PCDH9: variants seen among roughly 807,000 people sequenced by gnomAD.
PCDH9 encodes protocadherin 9.
In PCDH9, 24 loss-of-function variants were observed where a neutral mutation model predicts 70.6. The observed-to-expected ratio is 0.34, with a 90% CI of 0.25 to 0.48. PCDH9 has a LOEUF of 0.48. PCDH9 is among the 20% of genes least tolerant of loss of function. PCDH9 has a pLI of 0.99. For synonymous variants in PCDH9, 562 were observed against 558.5 expected (o/e 1.01, Z -0.09); for missense variants, 1,281 against 1,503.6 (o/e 0.85, Z 2.45).
chr13:67,009,485 TAAGCCTC>T (rs2084413824), intron 2 of PCDH9, among the ~76,000 whole-genome samples: 1 of 152,096 alleles, frequency 6.6e-6, no homozygotes, highest in Non-Finnish European at 1.5e-5. Context: ...TACAAATATA[TAAGCCTC>T]AAGTCACAAA....
Position 66,404,326 on chromosome 13 carries a change from A to G in PCDH9, c.3341-99298T>C, listed in dbSNP as rs1957242738. Reference sequence around the variant, plus strand: ...GCAAAGAAATTATAGTCAGAGAGAAATGTGAGGGATGAGCAGAGGCCAACA... The same window carrying G: ...GCAAAGAAATTATAGTCAGAGAGAAGTGTGAGGGATGAGCAGAGGCCAACA... On this transcript the variant is annotated intron_variant, in intron 4 of 4. Coordinates refer to ENST00000377865, the MANE Select transcript of PCDH9 (RefSeq NM_203487.3). Among the ~76,000 whole-genome samples the G allele has an allele frequency of 4.6e-5, 7 of 152,192 alleles. 1 individual carries two copies. Among genetic ancestry groups the G allele is most frequent in the Admixed American group, 4.6e-4 (7 of 15,272 alleles).
At chr13:67,189,784 A>G (rs555462547) in intron 2 of PCDH9, among the ~76,000 whole-genome samples, 76 of 152,154 alleles carry the variant, frequency 5.0e-4, no homozygotes, top group African/African-American at 1.8e-3. Flanking sequence ...AATCTGCAAA[A>G]GATCATTCCA....
intron 2 of PCDH9, among the ~76,000 whole-genome samples, chr13:67,020,033 T>C (rs547069958): frequency 6.6e-6 from 1 of 152,344 alleles, no homozygotes; most frequent in Non-Finnish European, 1.5e-5. Flanking sequence ...ATTTTGTACA[T>C]TTCCTGCAAG....
chr13:66,763,910 T>C (rs1285990916), intron 3 of PCDH9, among the ~76,000 whole-genome samples: 1 of 151,992 alleles, frequency 6.6e-6, no homozygotes, highest in Non-Finnish European at 1.5e-5. Context: ...GCAATTCTTC[T>C]GTCTCAGCTT....
At chr13:66,798,705 A>T (rs2080282629) in intron 3 of PCDH9, among the ~76,000 whole-genome samples, 1 of 152,162 alleles carries the variant, frequency 6.6e-6, no homozygotes, top group Non-Finnish European at 1.5e-5. Flanking sequence ...AATATTTTCT[A>T]CCTGAAGAAG....
chr13:66,550,744 C>A (rs775592709), intron 4 of PCDH9, among the ~76,000 whole-genome samples: 7 of 152,084 alleles, frequency 4.6e-5, no homozygotes, highest in Admixed American at 1.3e-4. Flanking sequence ...CAGCTAAACC[C>A]CCTCTTACCT....
At chr13:66,577,085 T>G (rs1171574876) in intron 4 of PCDH9, among the ~76,000 whole-genome samples, 28 of 151,996 alleles carry the variant, frequency 1.8e-4, no homozygotes, top group Non-Finnish European at 5.9e-5. Flanking sequence ...AACCTGGTAT[T>G]ATACAATTTA....
intron 3 of PCDH9, among the ~76,000 whole-genome samples, chr13:66,762,592 G>A (rs757390501): frequency 2.6e-5 from 4 of 151,812 alleles, no homozygotes; most frequent in African/African-American, 7.3e-5. Flanking sequence ...ATGCAACAAC[G>A]AGGCACTGTA....
intron 4 of PCDH9, among the ~76,000 whole-genome samples, chr13:66,337,257 C>T (rs1239031379): frequency 6.6e-6 from 1 of 151,924 alleles, no homozygotes; most frequent in African/African-American, 2.4e-5. Flanking sequence ...TAAAACTTTC[C>T]ATTCAATTTA....
rs191983918 is a variant in PCDH9, at chr13:67,194,222, G to A, written c.3036+31183C>T. ...CTTGTTGATTACTGCACTCATATAA[G>A]CACTACAGAAATTATAAAACATTCA... On this transcript the variant is annotated intron_variant, in intron 2 of 4. Transcript: ENST00000377865. 3.5e-4 allele frequency among the ~76,000 whole-genome samples: 54 copies of A among 152,124 alleles called. 1 individual carries two copies. The highest frequency in any genetic ancestry group is 1.3e-3 in the African/African-American group (54 of 41,526).
intron 3 of PCDH9, among the ~76,000 whole-genome samples, chr13:66,646,475 C>T (rs112557627): frequency 3.7e-4 from 56 of 152,224 alleles, no homozygotes; most frequent in African/African-American, 1.1e-3. Flanking sequence ...GCTTAGCACA[C>T]GACAAGAAAT....
intron 2 of PCDH9, among the ~76,000 whole-genome samples, chr13:66,994,080 G>A (rs1438348370): frequency 4.6e-5 from 7 of 152,168 alleles, no homozygotes; most frequent in African/African-American, 1.7e-4. Context: ...TAGAATACCT[G>A]TAGAGCTTAG....
chr13:66,967,581 C>A (rs755110372), intron 2 of PCDH9, among the ~76,000 whole-genome samples: 1 of 151,804 alleles, frequency 6.6e-6, no homozygotes, highest in African/African-American at 2.4e-5. Context: ...CAAGTTTACC[C>A]AAATCCATAG....
chr13:66,867,705 A>C (rs1443805028), intron 3 of PCDH9, among the ~76,000 whole-genome samples: 2 of 152,134 alleles, frequency 1.3e-5, no homozygotes, highest in African/African-American at 4.8e-5. Flanking sequence ...CTATTACCAA[A>C]AAGTAATCCT....
At chr13:67,157,625 T>C (rs2087848484) in intron 2 of PCDH9, among the ~76,000 whole-genome samples, 1 of 152,158 alleles carries the variant, frequency 6.6e-6, no homozygotes, top group African/African-American at 2.4e-5. Flanking sequence ...ATTTCTTTAA[T>C]TGGATAGGAA....
intron 3 of PCDH9, among the ~76,000 whole-genome samples, chr13:66,857,262 T>A (rs2081409582): frequency 6.6e-6 from 1 of 152,132 alleles, no homozygotes; most frequent in South Asian, 2.1e-4. Flanking sequence ...TTATTATAAA[T>A]CCATAATGTA....
intron 4 of PCDH9, among the ~76,000 whole-genome samples, chr13:66,611,639 A>G (rs894736362): frequency 6.6e-6 from 1 of 152,226 alleles, no homozygotes; most frequent in African/African-American, 2.4e-5. Context: ...TGATGATTCA[A>G]GATACACTAA....
intron 3 of PCDH9, among the ~76,000 whole-genome samples, chr13:66,642,922 A>G (rs2077726970): frequency 1.3e-5 from 2 of 152,028 alleles, no homozygotes; most frequent in Admixed American, 1.3e-4. Context: ...TCTCAATTTT[A>G]TTCTCAACTT....
At chr13:66,637,881 C>T (rs113339350) in intron 3 of PCDH9, among the ~76,000 whole-genome samples, 1 of 151,172 alleles carries the variant, frequency 6.6e-6, no homozygotes, top group Non-Finnish European at 1.5e-5. Context: ...GCCACTGAAC[C>T]CTAGCCTGGG....
Sources: allele counts gnomAD v4.1 joint callset (sites outside exome capture counted in the v4.1 genomes callset), GRCh38; gene constraint gnomAD v4.1.1; transcripts MANE v1.5; gene names NCBI Gene and HGNC (gene_info 2026-07-23, HGNC 2026-07-21).